Variants in ZFHX3 observed in about 807,000 individuals in gnomAD.
The protein encoded by ZFHX3 is zinc finger homeobox 3, also known as zinc finger homeobox protein 3.
A neutral mutation model predicts 279.1 loss-of-function variants in ZFHX3; 42 were observed. The observed-to-expected ratio is 0.15, with a 90% CI of 0.12 to 0.19. ZFHX3 has a LOEUF of 0.19. ZFHX3 is among the 10% of genes least tolerant of loss of function. The pLI is 1.00. For synonymous variants in ZFHX3, 2,293 were observed against 1,957.8 expected, an observed-to-expected ratio of 1.17 and a Z score of -4.52; for missense variants, 4,981 against 4,754.0, an observed-to-expected ratio of 1.05 and a Z score of -1.40.
intron 3 of ZFHX3, among the ~76,000 whole-genome samples, chr16:73,378,714 T>C (rs1288538177): frequency 6.6e-6 from 1 of 152,208 alleles, no homozygotes; most frequent in Non-Finnish European, 1.5e-5. Context: ...CTCTGTTCCT[T>C]CTCCATGTGA....
At chr16:73,840,106 A>G (rs564965460) in intron 1 of ZFHX3, among the ~76,000 whole-genome samples, 10 of 152,324 alleles carry the variant, frequency 6.6e-5, no homozygotes, top group African/African-American at 2.4e-4. Flanking sequence ...AGTACACAGC[A>G]GGCATTCAAT....
At chr16:72,992,760 A>C (rs77632749) in intron 1 of ZFHX3, among the ~76,000 whole-genome samples, 3,135 of 152,258 alleles carry the variant, frequency 0.021, 109 homozygotes, top group African/African-American at 0.072. Flanking sequence ...GAAAGGTACA[A>C]CCTCTCAAGG....
At chr16:73,679,004 G>A (rs1335252558) in intron 2 of ZFHX3, among the ~76,000 whole-genome samples, 2 of 152,122 alleles carry the variant, frequency 1.3e-5, no homozygotes, top group African/African-American at 2.4e-5. Flanking sequence ...CAAGCACATC[G>A]ACTTCTGAAA....
At chr16:73,690,377 A>G (rs2053136710) in intron 1 of ZFHX3, among the ~76,000 whole-genome samples, 1 of 152,178 alleles carries the variant, frequency 6.6e-6, no homozygotes, top group Non-Finnish European at 1.5e-5. Context: ...TGAAGCAGCT[A>G]GGTAAGAAGA....
At chr16:73,438,863 G>A (rs1485785023) in intron 3 of ZFHX3, among the ~76,000 whole-genome samples, 1 of 152,152 alleles carries the variant, frequency 6.6e-6, no homozygotes, top group African/African-American at 2.4e-5. Flanking sequence ...CCAATGGAGA[G>A]AAAATCAGAC....
intron 3 of ZFHX3, among the ~76,000 whole-genome samples, chr16:73,426,239 A>T (rs529763259): frequency 6.6e-6 from 1 of 152,308 alleles, no homozygotes; most frequent in East Asian, 1.9e-4. Context: ...TCTGCATTAT[A>T]TATGGCCAAA....
intron 4 of ZFHX3, among the ~76,000 whole-genome samples, chr16:73,288,235 G>A (rs2014679819): frequency 1.3e-5 from 2 of 152,052 alleles, no homozygotes; most frequent in African/African-American, 4.8e-5. Flanking sequence ...GGAAGGAGAT[G>A]GAAAAGGAGA....
intron 1 of ZFHX3, among the ~76,000 whole-genome samples, chr16:72,982,342 C>G (rs1262078856): frequency 1.3e-5 from 2 of 152,326 alleles, no homozygotes; most frequent in African/African-American, 2.4e-5. Context: ...AACTGGTTAG[C>G]TGCAGAGCAA....
At chr16:73,831,904 T>C (rs922018065) in intron 1 of ZFHX3, among the ~76,000 whole-genome samples, 6 of 152,170 alleles carry the variant, frequency 3.9e-5, no homozygotes, top group Non-Finnish European at 7.3e-5. Context: ...CTGGCTTCTT[T>C]GTTTTTTTGT....
intron 3 of ZFHX3, among the ~76,000 whole-genome samples, chr16:73,382,946 T>C (rs35439346): frequency 0.097 from 14,767 of 152,092 alleles, 1,141 homozygotes; most frequent in South Asian, 0.25. Flanking sequence ...AGAAGACCTG[T>C]TGCAGTCTGA....
At chr16:72,946,136 C>A (rs189950259) in intron 3 of ZFHX3, among the ~76,000 whole-genome samples, 14 of 152,294 alleles carry the variant, frequency 9.2e-5, no homozygotes, top group East Asian at 3.9e-4. Context: ...TACATTCTTC[C>A]GTACTGCACA....
Position 73,363,550 on chromosome 16 carries a change from AT to A in ZFHX3, c.-1290-45215del, listed in dbSNP as rs760781284. Among the ~76,000 whole-genome samples, 650 of 150,456 alleles carry A rather than the reference AT, an allele frequency of 4.3e-3. 13 individuals are homozygous for A. Among genetic ancestry groups the A allele is most frequent in the East Asian group, 6.8e-3 (35 of 5,128 alleles). On this transcript the variant is annotated intron_variant, in intron 3 of 17. Coordinates refer to the ZFHX3 transcript ENST00000641206. ...ATAGACTTCTCTTGCTGGCACTTTA[AT>A]TTTTTTTTTCCCAAATGAGGCAGGG...
chr16:73,584,155 G>A (rs1043250145), intron 2 of ZFHX3, among the ~76,000 whole-genome samples: 1 of 152,020 alleles, frequency 6.6e-6, no homozygotes, highest in African/African-American at 2.4e-5. Flanking sequence ...TGAAAAAGTG[G>A]TTAAGTAAGA....
intron 5 of ZFHX3, among the ~76,000 whole-genome samples, chr16:73,200,903 C>T (rs906400185): frequency 4.6e-5 from 7 of 152,162 alleles, no homozygotes; most frequent in Non-Finnish European, 8.8e-5. Context: ...ATGTAAACCA[C>T]CCAATTTTCC....
Position 72,915,588 on chromosome 16 carries a change from G to T in ZFHX3, c.3217-25626C>A, listed in dbSNP as rs1303006058. On this transcript the variant is annotated intron_variant, in intron 3 of 9. Transcript: ENST00000268489. ...AGCCTGGGCAACAAGGCAAGATCCAGTCTCTACAAAAAATAAAAAAAATTA... is the reference window on the plus strand; with the variant it reads ...AGCCTGGGCAACAAGGCAAGATCCATTCTCTACAAAAAATAAAAAAAATTA... 1.3e-5 allele frequency among the ~76,000 whole-genome samples: 2 copies of T among 150,134 alleles called. 1 individual carries two copies. The highest frequency in any genetic ancestry group is 4.9e-5 in the African/African-American group (2 of 40,974).
intron 4 of ZFHX3, among the ~76,000 whole-genome samples, chr16:72,871,612 T>C (rs1209661335): frequency 6.6e-6 from 1 of 151,974 alleles, no homozygotes; most frequent in East Asian, 1.9e-4. Flanking sequence ...AGTGCTGGAA[T>C]TACAGGTGTG....
At chr16:73,760,010 T>G (rs1023656606) in intron 1 of ZFHX3, among the ~76,000 whole-genome samples, 4 of 36,268 alleles carry the variant, frequency 1.1e-4, no homozygotes, top group East Asian at 5.6e-4. Flanking sequence ...CCAGGAGCTG[T>G]TTTTTTTTAA....
At chr16:73,054,275 A>G (rs558416352) in intron 1 of ZFHX3, among the ~76,000 whole-genome samples, 1 of 152,240 alleles carries the variant, frequency 6.6e-6, no homozygotes, top group South Asian at 2.1e-4. Flanking sequence ...ACATAATAAT[A>G]TGAAAAACAG....
intron 5 of ZFHX3, chr16:73,144,584 G>C (rs1966855779): frequency 6.6e-6 from 1 of 152,244 alleles, no homozygotes; most frequent in South Asian, 2.1e-4. Flanking sequence ...CAGATTGTTT[G>C]GCTGGGGAGA....
Sources: gnomAD v4.1 joint callset for allele counts (sites outside exome capture counted in the v4.1 genomes callset) on GRCh38, gnomAD v4.1.1 for gene constraint, MANE v1.5 for transcripts, NCBI Gene and HGNC (gene_info 2026-07-23, HGNC 2026-07-21) for gene names.